SNX31: variants seen among roughly 807,000 people sequenced by gnomAD.
SNX31 encodes sorting nexin 31.
In SNX31, 58 loss-of-function variants were observed where a neutral mutation model predicts 65.4. The observed-to-expected ratio is 0.89, with a 90% confidence interval of 0.72 to 1.10. SNX31 has a LOEUF of 1.10. Among genes scored for constraint, SNX31 ranks in the 50% least tolerant of loss-of-function variants. The pLI, the probability that SNX31 is intolerant of heterozygous loss-of-function variation, is 0.00. For synonymous variants in SNX31, 181 were observed against 190.1 expected, an observed-to-expected ratio of 0.95 and a Z score of 0.39; for missense variants, 523 against 529.7, an observed-to-expected ratio of 0.99 and a Z score of 0.12.
chr8:100,581,268 C>T lies in SNX31; in HGVS notation c.1170+2843G>A, dbSNP rs572860582. ...GAGACATGATTGCACCACTGCACTCCAGCCTGGGTGACAGAGCGTGACCCT... is the reference window on the plus strand; with the variant it reads ...GAGACATGATTGCACCACTGCACTCTAGCCTGGGTGACAGAGCGTGACCCT... On this transcript the variant is annotated intron_variant, in intron 12 of 13. Transcript: ENST00000311812. 1.3e-3 allele frequency among the ~76,000 whole-genome samples: 188 copies of T among 147,640 alleles called. No individual in the cohort carries two copies. In the Middle Eastern group the frequency reaches 0.028, roughly 22 times the overall value.
chr8:100,620,217 A>T (rs1355944491), intron 4 of SNX31, among the ~76,000 whole-genome samples: 1 of 152,172 alleles, frequency 6.6e-6, no homozygotes, highest in Non-Finnish European at 1.5e-5. Context: ...GGGACCACAA[A>T]GTTGGGGCTC....
chr8:100,638,068 G>T (rs975117162), intron 2 of SNX31, among the ~76,000 whole-genome samples: 1 of 152,160 alleles, frequency 6.6e-6, no homozygotes, highest in Non-Finnish European at 1.5e-5. Context: ...TACTTGGGAG[G>T]CTGAGGCAGG....
chr8:100,640,915 C>T (rs1819126349), intron 2 of SNX31, among the ~76,000 whole-genome samples: 1 of 152,082 alleles, frequency 6.6e-6, no homozygotes, highest in South Asian at 2.1e-4. Context: ...ATTAGGTAAA[C>T]ACTAAGGAGG....
upstream of SNX31, among the ~76,000 whole-genome samples, chr8:100,650,436 C>T (rs1182269338): frequency 6.6e-6 from 1 of 152,152 alleles, no homozygotes; most frequent in East Asian, 1.9e-4. Flanking sequence ...GGAACTTGTC[C>T]AAGCTCACAG....
At chr8:100,635,334 T>C (rs914308926) in intron 3 of SNX31, among the ~76,000 whole-genome samples, 11 of 151,988 alleles carry the variant, frequency 7.2e-5, no homozygotes, top group African/African-American at 2.2e-4. Context: ...CAGCTTCCTA[T>C]GCTCAAGCTA....
chr8:100,624,413 C>G (rs1372195361), intron 4 of SNX31, among the ~76,000 whole-genome samples: 1 of 152,190 alleles, frequency 6.6e-6, no homozygotes, highest in East Asian at 1.9e-4. Flanking sequence ...GTGTTATAAT[C>G]CTTTTAATCA....
intron 2 of SNX31, among the ~76,000 whole-genome samples, chr8:100,639,013 C>T (rs1396017475): frequency 6.6e-6 from 1 of 152,110 alleles, no homozygotes; most frequent in Admixed American, 6.6e-5. Context: ...AGTATAGAGA[C>T]TTTATAAAAA....
Position 100,596,741 on chromosome 8 carries a change from A to G in SNX31, c.876T>C (p.Val292=). The G allele has an allele frequency of 6.2e-7, 1 of 1,614,140 alleles. No homozygotes were observed. The highest frequency in any genetic ancestry group is 8.5e-7 in the Non-Finnish European group (1 of 1,180,032). The change falls in exon 10 of 14, where the codon GTT becomes GTC. Residue 292 remains valine, a synonymous_variant. Coordinates refer to ENST00000311812, the MANE Select transcript of SNX31 (RefSeq NM_152628.4). ...PESGSGAVLS[V]GNNEISCCIT... ...TGCAGCAGCTGATCTCATTATTGCC[A>G]ACAGAAAGAACAGCTCCAGAGCCTG...
intron 12 of SNX31, among the ~76,000 whole-genome samples, chr8:100,583,352 C>G (rs549143719): frequency 2.0e-5 from 3 of 152,070 alleles, no homozygotes; most frequent in East Asian, 1.9e-4. Flanking sequence ...GTGATCCCCC[C>G]ACTTGGCCTC....
Position 100,640,245 on chromosome 8 carries a change from G to A in SNX31, c.142-4234C>T, listed in dbSNP as rs113157951. On this transcript the variant is annotated intron_variant, in intron 2 of 13. Coordinates refer to ENST00000311812, the MANE Select transcript of SNX31 (RefSeq NM_152628.4). ...TGGGTTCGAGTAATTCTCCTGCCTC[G>A]CCTCCCGAGTAGCTGGGATTACAGG... 3.9e-5 allele frequency among the ~76,000 whole-genome samples: 6 copies of A among 152,068 alleles called. 1 individual carries two copies. Among genetic ancestry groups the A allele is most frequent in the African/African-American group, 1.4e-4 (6 of 41,496 alleles).
At chr8:100,638,479 T>A (rs568747235) in intron 2 of SNX31, among the ~76,000 whole-genome samples, 2 of 152,334 alleles carry the variant, frequency 1.3e-5, no homozygotes, top group African/African-American at 4.8e-5. Context: ...TGGTCTAACA[T>A]CTGGAATGGT....
rs1393418884 is a variant in SNX31 at position 100,609,210 on chromosome 8, C to G, written c.612-647G>C. ...GCTACATTCCAACCATGTTTTCTCT[C>G]CTCTCTCCCTGCCTGGAAGACCAAG... is the stretch of plus-strand genomic sequence containing the variant. On this transcript the variant is annotated intron_variant, in intron 7 of 13. Coordinates refer to ENST00000311812, the MANE Select transcript of SNX31 (RefSeq NM_152628.4). The surrounding 1 kb of genome is among the most constrained non-coding windows in gnomAD (Gnocchi z 4.9). Among the ~76,000 whole-genome samples, 1 of 152,218 alleles carries G rather than the reference C, an allele frequency of 6.6e-6. No homozygotes were observed. The highest frequency in any genetic ancestry group is 1.5e-5 in the Non-Finnish European group (1 of 68,046).
At chr8:100,661,338 T>C (rs1422712881) in intron 1 of SNX31, among the ~76,000 whole-genome samples, 2 of 151,874 alleles carry the variant, frequency 1.3e-5, no homozygotes, top group Admixed American at 6.6e-5. Context: ...TCCATATTAC[T>C]GATGAAAAAC....
At chr8:100,592,833 C>A (rs953971031) in intron 10 of SNX31, among the ~76,000 whole-genome samples, 1 of 152,056 alleles carries the variant, frequency 6.6e-6, no homozygotes, top group African/African-American at 2.4e-5. Flanking sequence ...AAGAATGAAC[C>A]TGGGAAACAT....
Position 100,649,485 on chromosome 8 carries a change from G to C in SNX31, c.30C>G (p.Ser10=). The change falls in exon 1 of 14, where the codon TCC becomes TCG. Residue 10 remains serine, a synonymous_variant. Coordinates refer to ENST00000311812, the MANE Select transcript of SNX31 (RefSeq NM_152628.4). ...CCCCCAGCGCGTCGGACCGCTGCTG[G>C]GACACCGGGATACAGAAATGCATCT... is the stretch of plus-strand genomic sequence containing the variant. MKMHFCIPV[S]QQRSDALGGR... The C allele has an allele frequency of 3.2e-6, 5 of 1,581,510 alleles. No individual in the cohort carries two copies. The highest frequency in any genetic ancestry group is 4.3e-6 in the Non-Finnish European group (5 of 1,164,466).
chr8:100,592,070 G>A (rs74920595), intron 10 of SNX31, among the ~76,000 whole-genome samples: 8,299 of 152,012 alleles, frequency 0.055, 488 homozygotes, highest in Admixed American at 0.17. Flanking sequence ...CAAACAAACA[G>A]AAAGCAAAAA....
chr8:100,604,409 C>A lies in SNX31; in HGVS notation c.682-3968G>T, dbSNP rs1009293488. Among the ~76,000 whole-genome samples, 1 of 152,180 alleles carries A rather than the reference C, an allele frequency of 6.6e-6. No homozygotes were observed. On this transcript the variant is annotated intron_variant, in intron 8 of 13. Transcript: ENST00000311812. This position sits in a 1 kb window ranked among gnomAD's most constrained non-coding sequence, Gnocchi z 4.3. ...TAGAGGTCATATGCCTCTCAAAGGC[C>A]GGCACTGGCCACTCGGCTCTGGCGA...
At position 100,582,096 on chromosome 8, in the gene SNX31, G is replaced by T. The variant is rs1270366919; in HGVS notation, c.1170+2015C>A. Among the ~76,000 whole-genome samples the T allele has an allele frequency of 3.9e-5, 6 of 152,172 alleles. No homozygotes were observed. In the East Asian group the frequency reaches 1.2e-3, roughly 29 times the overall value. ...AATATTTGGATAAAGCAATACAAGGGTACTGACTAATGTGCTGATTTTGCT... is the reference window on the plus strand; with the variant it reads ...AATATTTGGATAAAGCAATACAAGGTTACTGACTAATGTGCTGATTTTGCT... On this transcript the variant is annotated intron_variant, in intron 12 of 13. Coordinates refer to ENST00000311812, the MANE Select transcript of SNX31 (RefSeq NM_152628.4).
rs1002121566 is a variant in SNX31 at position 100,614,677 on chromosome 8, C to A, written c.433-1592G>T. On this transcript the variant is annotated intron_variant, in intron 5 of 13. Transcript: ENST00000311812. This position sits in a 1 kb window ranked among gnomAD's most constrained non-coding sequence, Gnocchi z 5.1. ...ATCACCTAAGGTCAGGAGTTCAAAA[C>A]CAGCCTGGCCAACATAGTGAAACCC... Among the ~76,000 whole-genome samples the A allele has an allele frequency of 4.6e-5, 7 of 151,992 alleles. No individual in the cohort carries two copies. The highest frequency in any genetic ancestry group is 3.9e-4 in the Admixed American group (6 of 15,252).
Sources: allele counts gnomAD v4.1 joint callset (sites outside exome capture counted in the v4.1 genomes callset), GRCh38; gene constraint gnomAD v4.1.1; non-coding constraint Gnocchi (gnomAD v3.1); transcripts MANE v1.5; gene names NCBI Gene and HGNC (gene_info 2026-07-23, HGNC 2026-07-21).